Variants in RAPH1 observed in about 807,000 individuals in gnomAD.
The protein encoded by RAPH1 is ras-associated and pleckstrin homology domains-containing protein 1.
In RAPH1, 18 loss-of-function variants were observed where a neutral mutation model predicts 88.1. The observed-to-expected ratio is 0.20, with a 90% CI of 0.14 to 0.30. The LOEUF (loss-of-function observed/expected upper bound fraction) is 0.30. Among genes scored for constraint, RAPH1 ranks in the 10% least tolerant of loss-of-function variants. RAPH1 has a pLI of 1.00. For missense variants in RAPH1, 1,448 were observed against 1,543.2 expected (o/e 0.94, Z 1.03); for synonymous variants, 587 against 559.0 (o/e 1.05, Z -0.71).
At chr2:203,496,339 C>T (rs1282795493) in intron 1 of RAPH1, among the ~76,000 whole-genome samples, 1 of 151,262 alleles carries the variant, frequency 6.6e-6, no homozygotes, top group Non-Finnish European at 1.5e-5. Context: ...GTGTGGGCAA[C>T]AAGAGTGAAA....
intron 4 of RAPH1, among the ~76,000 whole-genome samples, chr2:203,488,588 TAAA>T (rs750783858): frequency 3.5e-4 from 13 of 36,660 alleles, no homozygotes; most frequent in African/African-American, 4.4e-4. Context: ...CTCCGTCTAT[TAAA>T]AAAAAAAAAA....
At position 203,455,482 on chromosome 2, in the gene RAPH1, G is replaced by A; in HGVS notation, c.1257C>T (p.Leu419=). The A allele has an allele frequency of 3.1e-6, 5 of 1,614,010 alleles. No homozygotes were observed. The highest frequency in any genetic ancestry group is 1.3e-5 in the African/African-American group (1 of 75,050). Residue 419 remains leucine (L), a synonymous_variant, in exon 9 of 14, where the codon CTC becomes CTT. Transcript: ENST00000319170. ...CATAGTAGATACCAGATGCTCGCAA[G>A]AGAAAATAACGCTTTTTCCAGGACT... ...GKKSWKKRYF[L]LRASGIYYVP... is the part of the protein sequence containing the mutation.
chr2:203,496,057 C>G (rs539114569), intron 1 of RAPH1, among the ~76,000 whole-genome samples: 1 of 152,214 alleles, frequency 6.6e-6, no homozygotes, highest in African/African-American at 2.4e-5. Flanking sequence ...CTTCCTTCTT[C>G]CCATTAATAA....
chr2:203,478,111 G>T (rs1335461675), intron 4 of RAPH1, among the ~76,000 whole-genome samples: 2 of 149,736 alleles, frequency 1.3e-5, no homozygotes, highest in Admixed American at 1.3e-4. Context: ...TCAGCTCATT[G>T]CAAGCTCCAC....
intron 1 of RAPH1, among the ~76,000 whole-genome samples, chr2:203,528,349 A>C (rs1690219816): frequency 6.6e-6 from 1 of 152,220 alleles, no homozygotes; most frequent in African/African-American, 2.4e-5. Context: ...TTCCAAACAC[A>C]GTTTTGGTGG....
intron 9 of RAPH1, among the ~76,000 whole-genome samples, chr2:203,455,071 T>C (rs1454627684): frequency 6.6e-6 from 1 of 151,858 alleles, no homozygotes; most frequent in Non-Finnish European, 1.5e-5. Context: ...TACACCAGGG[T>C]GGCCCTTAGC....
intron 13 of RAPH1, chr2:203,441,899 T>C: frequency 7.4e-7 from 1 of 1,349,968 alleles, no homozygotes; most frequent in East Asian, 3.0e-5. Flanking sequence ...GGAATGAGGA[T>C]GGCTTTTTGA....
intron 1 of RAPH1, among the ~76,000 whole-genome samples, chr2:203,511,525 G>A (rs1037609096): frequency 1.3e-5 from 2 of 152,146 alleles, no homozygotes; most frequent in Non-Finnish European, 2.9e-5. Context: ...CTATTAGTAA[G>A]GGTTCTTGCA....
In RAPH1 at chr2:203,434,342, C is replaced by T. The variant is rs190557489; in HGVS notation, c.*5095G>A. On this transcript the variant is annotated 3_prime_UTR_variant, in exon 14 of 14. Transcript: ENST00000319170. ...CTACAAGTTGGTGTGAGCCTTGACT[C>T]TTGTTTTTTAAAGAACTGAGGGAGG... 10 of 152,594 alleles carry T rather than the reference C, an allele frequency of 6.6e-5. No individual in the cohort carries two copies. Among genetic ancestry groups the T allele is most frequent in the African/African-American group, 1.9e-4 (8 of 41,522 alleles). The allele number at this position is 152,594 out of a possible 1,614,324, so 9.5% of individuals were successfully genotyped here.
intron 4 of RAPH1, among the ~76,000 whole-genome samples, chr2:203,462,270 AT>A (rs1348369337): frequency 1.3e-5 from 2 of 152,166 alleles, no homozygotes; most frequent in Non-Finnish European, 2.9e-5. Flanking sequence ...AGTGGTGACA[AT>A]TTGTTTTCCC....
Position 203,439,279 on chromosome 2 carries a change from TGTGTACATGCAC to T in RAPH1, c.*146_*157del. The T allele has an allele frequency of 3.2e-6, 2 of 630,716 alleles. No individual in the cohort carries two copies. The highest frequency in any genetic ancestry group is 5.6e-6 in the Non-Finnish European group (2 of 357,750). The allele number at this position is 630,716 out of a possible 1,614,324, so 39.1% of individuals were successfully genotyped here. A position where few individuals can be genotyped will look rare whatever the true frequency, so the allele number is the denominator to read the frequency against. On this transcript the variant is annotated 3_prime_UTR_variant, in exon 14 of 14. Transcript: ENST00000319170. ...CATATATACACACACTGTACAGCTGTGTGTACATGCACGTGTACACACACACATACACATATA... is the reference window on the plus strand; with the variant it reads ...CATATATACACACACTGTACAGCTGTGTGTACACACACACATACACATATA...
Position 203,440,270 on chromosome 2 carries a change from T to C in RAPH1, c.2920A>G (p.Thr974Ala), listed in dbSNP as rs777044400. The C allele has an allele frequency of 1.2e-6, 2 of 1,613,472 alleles. No homozygotes were observed. Among genetic ancestry groups the C allele is most frequent in the African/African-American group, 1.3e-5 (1 of 74,774 alleles). Residue 974 changes from threonine to alanine, a missense_variant, in exon 14 of 14, where the codon ACC (threonine) becomes GCC (alanine). Around this residue, in one of 2 missense-constraint regions of RAPH1, gnomAD observed 935 missense variants for 890.1 expected, o/e 1.05. Coordinates refer to ENST00000319170, the MANE Select transcript of RAPH1 (RefSeq NM_213589.3). ...TTAATGCTGGAGTTGCGCTGTGGGG[T>C]TGGGGGTGGTTTCTTTCCCCCAGGG... is the stretch of plus-strand genomic sequence containing the variant. ...SSPGGKKPPPTPQRNSSIKSS... is the reference protein window; with the variant it reads ...SSPGGKKPPPAPQRNSSIKSS...
At chr2:203,508,114 G>A (rs1050409215) in intron 1 of RAPH1, among the ~76,000 whole-genome samples, 2 of 151,418 alleles carry the variant, frequency 1.3e-5, no homozygotes, top group Non-Finnish European at 2.9e-5. Flanking sequence ...CAGCTACTTG[G>A]GAGGCTGAGG....
At chr2:203,446,522 CAA>C (rs1044111132) in intron 12 of RAPH1, 3 of 149,664 alleles carry the variant, frequency 2.0e-5, no homozygotes, top group Non-Finnish European at 3.0e-5. Flanking sequence ...TCCTTCAGGA[CAA>C]AGTGTCTTCA....
At chr2:203,503,268 A>G (rs1171021852) in intron 1 of RAPH1, among the ~76,000 whole-genome samples, 1 of 152,246 alleles carries the variant, frequency 6.6e-6, no homozygotes, top group African/African-American at 2.4e-5. Flanking sequence ...AACCGCAAAC[A>G]GGAACTCCCC....
At chr2:203,522,228 A>G (rs577022719) in intron 1 of RAPH1, among the ~76,000 whole-genome samples, 1 of 152,350 alleles carries the variant, frequency 6.6e-6, no homozygotes, top group South Asian at 2.1e-4. Flanking sequence ...ACATCAGAGT[A>G]GATGGTCCTG....
At chr2:203,479,798 T>C (rs1687640192) in intron 4 of RAPH1, among the ~76,000 whole-genome samples, 1 of 152,054 alleles carries the variant, frequency 6.6e-6, no homozygotes, top group Non-Finnish European at 1.5e-5. Flanking sequence ...TACATTAACA[T>C]GAATAAAAAG....
intron 7 of RAPH1, among the ~76,000 whole-genome samples, chr2:203,459,109 TCAGTCCA>T (rs975622683): frequency 3.5e-4 from 54 of 152,284 alleles, no homozygotes; most frequent in African/African-American, 1.3e-3. Flanking sequence ...GACCTTGTGA[TCAGTCCA>T]CCTCAGCCTC....
At chr2:203,510,797 C>CTT (rs1689304054) in intron 1 of RAPH1, among the ~76,000 whole-genome samples, 2 of 152,184 alleles carry the variant, frequency 1.3e-5, no homozygotes, top group South Asian at 4.1e-4. Flanking sequence ...TGAGTGTACA[C>CTT]TTTAAAAGAG....
Sources: gnomAD v4.1 joint callset for allele counts (sites outside exome capture counted in the v4.1 genomes callset) on GRCh38, gnomAD v4.1.1 for gene constraint, gnomAD v4.1.1 regional missense constraint, MANE v1.5 for transcripts, NCBI Gene and HGNC (gene_info 2026-07-23, HGNC 2026-07-21) for gene names.